The following CPLX3 variants were observed in gnomAD, a reference collection of about 807,000 sequenced individuals.
CPLX3 encodes complexin 3, also known as complexin-3.
Under a neutral mutation model 17.2 loss-of-function variants are expected in CPLX3, and 12 were observed. The ratio of observed to expected loss-of-function variants is 0.70; its 90% CI spans 0.45 to 1.13. The LOEUF is 1.13. Among genes scored for constraint, CPLX3 ranks in the 50% most tolerant of loss-of-function variants. CPLX3 has a pLI of 0.00. For missense variants in CPLX3, 172 were observed against 203.2 expected, an observed-to-expected ratio of 0.85 and a Z score of 0.93; for synonymous variants, 75 against 79.4, an observed-to-expected ratio of 0.94 and a Z score of 0.29.
In CPLX3 at chr15:74,830,215, C is replaced by G. The variant is rs745700690; in HGVS notation, c.338C>G (p.Thr113Arg). 6.2e-7 allele frequency: 1 copy of G among 1,613,918 alleles called. No homozygotes were observed. Among genetic ancestry groups the G allele is most frequent in the Non-Finnish European group, 8.5e-7 (1 of 1,179,988 alleles). The change falls in exon 3 of 3, where the codon ACA (threonine) becomes AGA (arginine). Residue 113 changes from threonine (T) to arginine (R), a missense_variant. Physicochemically the swap from Thr to Arg is moderately conservative, Grantham distance 71 (BLOSUM62 -1). Transcript: ENST00000395018. ...RELAKMIEED[T>R]EEEEEKASVL... ...CTGGCCAAGATGATCGAGGAGGACACAGAGGAGGAGGAGGAGAAGGCCTCA... is the reference window on the plus strand; with the variant it reads ...CTGGCCAAGATGATCGAGGAGGACAGAGAGGAGGAGGAGGAGAAGGCCTCA...
rs2063945056 is a variant in CPLX3, at chr15:74,826,791, G to T, written c.88G>T (p.Asp30Tyr). ...AGGCGGCGAGGATAAGGGAGATGGG[G>T]ACAAGTCGGCAGCCGAAGCTCAGGG... ...LGGGEDKGDGDKSAAEAQGMS... is the reference protein window; with the variant it reads ...LGGGEDKGDGYKSAAEAQGMS... Residue 30 changes from aspartate (D) to tyrosine (Y), a missense_variant, in exon 1 of 3, where the codon GAC (aspartate) becomes TAC (tyrosine). Transcript: ENST00000395018. This position sits in a 1 kb window ranked among gnomAD's most constrained non-coding sequence, Gnocchi z 5.0. The T allele has an allele frequency of 5.0e-6, 8 of 1,605,750 alleles. No homozygotes were observed. In the East Asian group the frequency reaches 1.6e-4, roughly 32 times the overall value.
rs1400988847 is a variant in CPLX3, at chr15:74,830,121, T to C, written c.253-9T>C. ...TCCACCCCACCCCCTCTTCCCCTCTTCCCTTCAGAACGAGACAGATGAGAG... is the reference window on the plus strand; with the variant it reads ...TCCACCCCACCCCCTCTTCCCCTCTCCCCTTCAGAACGAGACAGATGAGAG... On this transcript the variant is annotated splice_polypyrimidine_tract_variant and intron_variant, in intron 2 of 2. Transcript: ENST00000395018. 1 of 1,612,176 alleles carries C rather than the reference T, an allele frequency of 6.2e-7. No individual in the cohort carries two copies. The highest frequency in any genetic ancestry group is 8.5e-7 in the Non-Finnish European group (1 of 1,178,908).
rs1413320023 is a variant in CPLX3, at chr15:74,831,530, C to T, written c.*1176C>T. On this transcript the variant is annotated 3_prime_UTR_variant, in exon 3 of 3. Transcript: ENST00000395018. ...ACCACAGGTGGGGCCGGGGCTGGAC[C>T]GCAGCTGTCTTGGGTGCCTGTGCCT... 6.6e-6 allele frequency: 1 copy of T among 152,062 alleles called. No homozygotes were observed. The highest frequency in any genetic ancestry group is 1.5e-5 in the Non-Finnish European group (1 of 68,054). The allele number at this position is 152,062 out of a possible 1,614,324, so 9.4% of individuals were successfully genotyped here.
Position 74,830,501 on chromosome 15 carries a change from CT to C in CPLX3, c.*149del, listed in dbSNP as rs2063964376. Reference sequence around the variant, plus strand: ...TTTCCCATCCATGCCCCAAGCCTATCTTCTGGTTTCTTCCTCTCCGCTGGGA... The same window carrying C: ...TTTCCCATCCATGCCCCAAGCCTATCTCTGGTTTCTTCCTCTCCGCTGGGA... On this transcript the variant is annotated 3_prime_UTR_variant, in exon 3 of 3. Transcript: ENST00000395018. 6.1e-6 allele frequency: 4 copies of C among 655,814 alleles called. No homozygotes were observed. In the Admixed American group the frequency reaches 1.1e-4, roughly 18 times the overall value. 40.6% of individuals were successfully genotyped at this position (655,814 alleles called of 1,614,324 possible). A position where few individuals can be genotyped will look rare whatever the true frequency, so the allele number is the denominator to read the frequency against.
intron 2 of CPLX3, 63 bp from the exon 3 acceptor site, chr15:74,830,067 C>T (rs1291215751): frequency 9.9e-6 from 13 of 1,313,786 alleles, no homozygotes; most frequent in East Asian, 7.1e-5. Context: ...TCCCTGTCCT[C>T]TCAACTCTGG....
In CPLX3 at chr15:74,831,511, G is replaced by A. The variant is rs1233473550; in HGVS notation, c.*1157G>A. On this transcript the variant is annotated 3_prime_UTR_variant, in exon 3 of 3. Coordinates refer to ENST00000395018, the MANE Select transcript of CPLX3 (RefSeq NM_001030005.3). ...CCTCTGGGGCGTCACTGAGACCACA[G>A]GTGGGGCCGGGGCTGGACCGCAGCT... 1 of 152,328 alleles carries A rather than the reference G, an allele frequency of 6.6e-6. No homozygotes were observed. Among genetic ancestry groups the A allele is most frequent in the Non-Finnish European group, 1.5e-5 (1 of 68,174 alleles). 9.4% of individuals were successfully genotyped at this position (152,328 alleles called of 1,614,324 possible). A position where few individuals can be genotyped will look rare whatever the true frequency, so the allele number is the denominator to read the frequency against.
chr15:74,826,646 A>G lies in CPLX3; in HGVS notation c.-58A>G. 1.3e-6 allele frequency: 2 copies of G among 1,569,216 alleles called. No individual in the cohort carries two copies. Among genetic ancestry groups the G allele is most frequent in the Non-Finnish European group, 1.7e-6 (2 of 1,157,786 alleles). ...AAACCTAGTGCTGAAGTAGGCGCGG[A>G]CGTGCCCGGTGCCTGGCGCGTGGTA... is the stretch of plus-strand genomic sequence containing the variant. On this transcript the variant is annotated 5_prime_UTR_variant, in exon 1 of 3. Transcript: ENST00000395018. This position sits in a 1 kb window ranked among gnomAD's most constrained non-coding sequence, Gnocchi z 5.0.
intron 1 of CPLX3, among the ~76,000 whole-genome samples, chr15:74,827,509 A>C (rs1004654820): frequency 1.3e-5 from 2 of 152,096 alleles, no homozygotes; most frequent in African/African-American, 4.8e-5. Flanking sequence ...ATGCCAATGC[A>C]TGTAAACTGT....
At chr15:74,827,081 TG>T (rs1307276590) in intron 1 of CPLX3, among the ~76,000 whole-genome samples, 2 of 148,472 alleles carry the variant, frequency 1.3e-5, no homozygotes, top group Non-Finnish European at 3.0e-5. Context: ...CAAGGGGGAG[TG>T]GGGGGAGGGG....
chr15:74,828,878 C>T (rs2063955590), intron 2 of CPLX3, among the ~76,000 whole-genome samples: 1 of 152,162 alleles, frequency 6.6e-6, no homozygotes, highest in Admixed American at 6.5e-5. Flanking sequence ...AGTGCACCAC[C>T]AGATGGGCGT....
rs986368691 is a variant in CPLX3 at position 74,830,808 on chromosome 15, G to A, written c.*454G>A. ...ACCACCACTCAGAAACTCTGAGAGA[G>A]AGCATGGGCAGACACCCTCAGCAGA... is the stretch of plus-strand genomic sequence containing the variant. On this transcript the variant is annotated 3_prime_UTR_variant, in exon 3 of 3. Transcript: ENST00000395018. 1.9e-5 allele frequency: 3 copies of A among 160,046 alleles called. No homozygotes were observed. Among genetic ancestry groups the A allele is most frequent in the Non-Finnish European group, 2.8e-5 (2 of 72,568 alleles). 9.9% of individuals were successfully genotyped at this position (160,046 alleles called of 1,614,324 possible). A position where few individuals can be genotyped will look rare whatever the true frequency, so the allele number is the denominator to read the frequency against.
Position 74,830,132 on chromosome 15 carries a change from C to T in CPLX3, c.255C>T (p.Asn85=), listed in dbSNP as rs147966681. The T allele has an allele frequency of 4.1e-3, 6,611 of 1,613,354 alleles. 370 individuals carry two copies. The Admixed American group carries it at 0.096, about 23-fold the overall frequency. ...CCCTCTTCCCCTCTTCCCTTCAGAA[C>T]GAGACAGATGAGAGCCAGATCCAGA... ...HFRDKYRLPK[N]ETDESQIQMA... The change falls in exon 3 of 3, where the codon AAC becomes AAT. Residue 85 remains asparagine (N), a splice_region_variant and synonymous_variant. Coordinates refer to ENST00000395018, the MANE Select transcript of CPLX3 (RefSeq NM_001030005.3).
Position 74,826,654 on chromosome 15 carries a change from G to C in CPLX3, c.-50G>C. 3 of 1,580,724 alleles carry C rather than the reference G, an allele frequency of 1.9e-6. No homozygotes were observed. Among genetic ancestry groups the C allele is most frequent in the South Asian group, 2.2e-5 (2 of 89,402 alleles). Reference sequence around the variant, plus strand: ...TGCTGAAGTAGGCGCGGACGTGCCCGGTGCCTGGCGCGTGGTAGCAGGCGC... The same window carrying C: ...TGCTGAAGTAGGCGCGGACGTGCCCCGTGCCTGGCGCGTGGTAGCAGGCGC... On this transcript the variant is annotated 5_prime_UTR_variant, in exon 1 of 3. Transcript: ENST00000395018. This position sits in a 1 kb window ranked among gnomAD's most constrained non-coding sequence, Gnocchi z 5.0.
intron 1 of CPLX3, among the ~76,000 whole-genome samples, chr15:74,827,252 C>T (rs913906151): frequency 1.3e-5 from 2 of 152,238 alleles, no homozygotes; most frequent in African/African-American, 4.8e-5. Flanking sequence ...GGTGCAGCCG[C>T]TCAGAGTCGC....
intron 2 of CPLX3, among the ~76,000 whole-genome samples, chr15:74,828,911 C>T (rs976944447): frequency 1.3e-5 from 2 of 152,146 alleles, no homozygotes; most frequent in African/African-American, 4.8e-5. Flanking sequence ...CTCCTGTTGT[C>T]TAAGGAGGGG....
chr15:74,829,046 A>G (rs1454434011), intron 2 of CPLX3, among the ~76,000 whole-genome samples: 1 of 152,156 alleles, frequency 6.6e-6, no homozygotes, highest in Admixed American at 6.5e-5. Flanking sequence ...TGAATGACCA[A>G]ATATATGAAC....
chr15:74,830,081 C>G (rs1254293713), intron 2 of CPLX3, 49 bp from the exon 3 acceptor site: 1 of 1,474,500 alleles, frequency 6.8e-7, no homozygotes, highest in Non-Finnish European at 9.4e-7. Flanking sequence ...ACTCTGGGTC[C>G]TCACAGACTT....
At chr15:74,829,739 C>T (rs2063959614) in intron 2 of CPLX3, among the ~76,000 whole-genome samples, 1 of 152,120 alleles carries the variant, frequency 6.6e-6, no homozygotes, top group Admixed American at 6.5e-5. Flanking sequence ...TGTCTTTACT[C>T]ACTGTGCTGG....
At position 74,828,132 on chromosome 15, in the gene CPLX3, C is replaced by T; in HGVS notation, c.252+11C>T. 6.4e-7 allele frequency: 1 copy of T among 1,569,982 alleles called. No individual in the cohort carries two copies. The highest frequency in any genetic ancestry group is 8.6e-7 in the Non-Finnish European group (1 of 1,156,556). The stretch of plus-strand genomic sequence containing the variant: ...TACCGGCTACCCAAGGTAAGCTGGC[C>T]CCGGCTGTGAGGCACATCTGGGACC... On this transcript the variant is annotated intron_variant, in intron 2 of 2. Coordinates refer to ENST00000395018, the MANE Select transcript of CPLX3 (RefSeq NM_001030005.3).
Sources: allele counts gnomAD v4.1 joint callset (sites outside exome capture counted in the v4.1 genomes callset), GRCh38; gene constraint gnomAD v4.1.1; non-coding constraint Gnocchi (gnomAD v3.1); transcripts MANE v1.5; gene names NCBI Gene and HGNC (gene_info 2026-07-23, HGNC 2026-07-21).